EPHA6: variants seen among roughly 807,000 people sequenced by gnomAD.
The protein encoded by EPHA6 is ephrin type-A receptor 6.
Under a neutral mutation model 112.0 loss-of-function variants are expected in EPHA6, and 50 were observed. The ratio of observed to expected loss-of-function variants is 0.45; its 90% CI spans 0.36 to 0.56. The LOEUF (loss-of-function observed/expected upper bound fraction) is 0.56, where lower values mean the gene tolerates loss of function less well. EPHA6 is among the 20% of genes least tolerant of loss of function. EPHA6 has a pLI of 0.00. For missense variants in EPHA6, 1,280 were observed against 1,417.4 expected (o/e 0.90, Z 1.56); for synonymous variants, 529 against 490.7 (o/e 1.08, Z -1.03).
intron 2 of EPHA6, among the ~76,000 whole-genome samples, chr3:96,884,564 C>T (rs919579873): frequency 2.6e-5 from 4 of 152,154 alleles, no homozygotes; most frequent in Non-Finnish European, 4.4e-5. Context: ...GACTTGTGTA[C>T]ATTAATCTTG....
At chr3:97,570,224 A>T (rs1417710442) in intron 11 of EPHA6, among the ~76,000 whole-genome samples, 1 of 152,220 alleles carries the variant, frequency 6.6e-6, no homozygotes, top group Non-Finnish European at 1.5e-5. Flanking sequence ...AGTGGCCAGG[A>T]AAACTTTATG....
rs142253161 is a variant in EPHA6, at chr3:96,836,279, T to C, written c.385+21271T>C. Among the ~76,000 whole-genome samples, 625 of 152,264 alleles carry C rather than the reference T, an allele frequency of 4.1e-3. 7 individuals carry two copies. The highest frequency in any genetic ancestry group is 0.014 in the African/African-American group (573 of 41,572). On this transcript the variant is annotated intron_variant, in intron 1 of 17. Transcript: ENST00000389672. Reference sequence around the variant, plus strand: ...TTTATTGCTACCATGGGGAAACATATGAAGAAGCTTAAAAAATAATAACCT... The same window carrying C: ...TTTATTGCTACCATGGGGAAACATACGAAGAAGCTTAAAAAATAATAACCT...
In EPHA6 at chr3:97,144,219, A is replaced by T. The variant is rs115917507; in HGVS notation, c.1115-82045A>T. Among the ~76,000 whole-genome samples, 527 of 151,808 alleles carry T rather than the reference A, an allele frequency of 3.5e-3. 3 individuals carry two copies. Among genetic ancestry groups the T allele is most frequent in the African/African-American group, 0.012 (506 of 41,512 alleles). ...TCAGCAGGGTTAGTATAGGTATACT[A>T]ATTATTGCTTTAATTTAAATTTCCT... On this transcript the variant is annotated intron_variant, in intron 3 of 17. Transcript: ENST00000389672.
chr3:97,565,083 A>G (rs182413747), intron 11 of EPHA6, among the ~76,000 whole-genome samples: 1 of 152,302 alleles, frequency 6.6e-6, no homozygotes, highest in Non-Finnish European at 1.5e-5. Flanking sequence ...AATCGAGTCT[A>G]GGGAGTTTTC....
At chr3:97,412,891 A>G (rs556835382) in intron 6 of EPHA6, among the ~76,000 whole-genome samples, 1 of 152,156 alleles carries the variant, frequency 6.6e-6, no homozygotes, top group South Asian at 2.1e-4. Flanking sequence ...TCCAGAGGTT[A>G]TGTTATCTGC....
chr3:96,935,504 C>T (rs2040532386), intron 2 of EPHA6, among the ~76,000 whole-genome samples: 1 of 150,050 alleles, frequency 6.7e-6, no homozygotes. Flanking sequence ...TAATTCATTT[C>T]ATATATTCTA....
At chr3:96,818,172 A>C (rs1202753095) in intron 1 of EPHA6, among the ~76,000 whole-genome samples, 1 of 151,984 alleles carries the variant, frequency 6.6e-6, no homozygotes, top group African/African-American at 2.4e-5. Context: ...TGTACTATAC[A>C]CTTATATGAA....
chr3:97,358,143 A>G (rs1238581482), intron 5 of EPHA6, among the ~76,000 whole-genome samples: 1 of 151,948 alleles, frequency 6.6e-6, no homozygotes, highest in African/African-American at 2.4e-5. Context: ...TTTTCCCTAT[A>G]GTAGTTTTCC....
At chr3:97,468,228 T>A (rs972627054) in intron 7 of EPHA6, among the ~76,000 whole-genome samples, 1 of 151,366 alleles carries the variant, frequency 6.6e-6, no homozygotes, top group African/African-American at 2.4e-5. Context: ...AGCTGAGAAA[T>A]CAGTAATCAG....
At chr3:97,635,221 A>G (rs969939081) in intron 13 of EPHA6, among the ~76,000 whole-genome samples, 120 of 152,250 alleles carry the variant, frequency 7.9e-4, no homozygotes, top group African/African-American at 2.7e-3. Flanking sequence ...AAAAGAACAT[A>G]AAGAAAGTAG....
intron 11 of EPHA6, chr3:97,590,385 A>G (rs765133496): frequency 1.3e-5 from 2 of 152,204 alleles, no homozygotes; most frequent in Non-Finnish European, 2.9e-5. Context: ...ACAGTAATCA[A>G]TGCAATCATA....
chr3:97,039,430 C>T (rs181008909), intron 3 of EPHA6, among the ~76,000 whole-genome samples: 190 of 151,854 alleles, frequency 1.3e-3, no homozygotes, highest in Non-Finnish European at 2.1e-3. Flanking sequence ...GTGGTAGACA[C>T]AAGCCTGTTG....
chr3:96,929,891 A>G (rs983505230), intron 2 of EPHA6, among the ~76,000 whole-genome samples: 1 of 152,172 alleles, frequency 6.6e-6, no homozygotes, highest in South Asian at 2.1e-4. Context: ...CTCTTTACAT[A>G]ATCCCGTATG....
At chr3:97,472,012 A>C (rs929526863) in intron 7 of EPHA6, among the ~76,000 whole-genome samples, 2 of 151,610 alleles carry the variant, frequency 1.3e-5, no homozygotes, top group South Asian at 2.1e-4. Context: ...TTGTCTTTAC[A>C]TGTGTCTTTA....
At chr3:97,532,043 T>G (rs1051987418) in intron 10 of EPHA6, among the ~76,000 whole-genome samples, 2 of 152,094 alleles carry the variant, frequency 1.3e-5, no homozygotes, top group African/African-American at 4.8e-5. Context: ...GACATTATGC[T>G]GTGATTGCAT....
intron 3 of EPHA6, among the ~76,000 whole-genome samples, chr3:97,059,426 G>A (rs1358946446): frequency 1.3e-5 from 2 of 151,978 alleles, no homozygotes; most frequent in South Asian, 2.1e-4. Flanking sequence ...AACACACATT[G>A]AAATTCCTGC....
intron 16 of EPHA6, among the ~76,000 whole-genome samples, chr3:97,736,384 G>A (rs2035252818): frequency 6.6e-6 from 1 of 150,592 alleles, no homozygotes; most frequent in African/African-American, 2.4e-5. Flanking sequence ...ATCTTTTCCT[G>A]TTTGGGTCTT....
At chr3:97,119,423 G>C (rs559521438) in intron 3 of EPHA6, among the ~76,000 whole-genome samples, 5 of 151,946 alleles carry the variant, frequency 3.3e-5, no homozygotes, top group African/African-American at 1.2e-4. Context: ...GGTTGGTCAG[G>C]TCCATCAACT....
At chr3:97,741,450 C>T (rs1046654111) in intron 16 of EPHA6, among the ~76,000 whole-genome samples, 2 of 152,046 alleles carry the variant, frequency 1.3e-5, no homozygotes, top group African/African-American at 2.4e-5. Flanking sequence ...CTGATACAAA[C>T]TCTTAATATA....
Sources: allele counts gnomAD v4.1 joint callset (sites outside exome capture counted in the v4.1 genomes callset), GRCh38; gene constraint gnomAD v4.1.1; transcripts MANE v1.5; gene names NCBI Gene and HGNC (gene_info 2026-07-23, HGNC 2026-07-21).